Variants in DPP10 observed in about 807,000 individuals in gnomAD.
The protein encoded by DPP10 is dipeptidyl peptidase like 10, also known as inactive dipeptidyl peptidase 10.
DPP10 carries 33 observed loss-of-function variants against 120.9 expected under a neutral mutation model. The ratio of observed to expected loss-of-function variants is 0.27; its 90% CI spans 0.21 to 0.37. The LOEUF (loss-of-function observed/expected upper bound fraction) is 0.37. Ranked by LOEUF, DPP10 falls within the 10% of genes least tolerant of loss-of-function variation. DPP10 has a pLI of 1.00. For missense variants in DPP10, 816 were observed against 942.8 expected (o/e 0.87, Z 1.76); for synonymous variants, 337 against 326.1 (o/e 1.03, Z -0.36).
At chr2:114,918,526 C>A (rs1694967197) in intron 1 of DPP10, among the ~76,000 whole-genome samples, 2 of 152,114 alleles carry the variant, frequency 1.3e-5, no homozygotes, top group African/African-American at 2.4e-5. Flanking sequence ...TTCACAGTAG[C>A]AGGGACATGG....
chr2:115,738,902 G>A (rs772392533), intron 8 of DPP10, among the ~76,000 whole-genome samples: 22 of 152,102 alleles, frequency 1.4e-4, no homozygotes, highest in Non-Finnish European at 5.9e-5. Flanking sequence ...TTATTTACAA[G>A]GAGAACATTT....
At chr2:115,137,219 C>G (rs17044133) in intron 1 of DPP10, among the ~76,000 whole-genome samples, 19,606 of 152,074 alleles carry the variant, frequency 0.13, 1,643 homozygotes, top group East Asian at 0.29. Context: ...TTCTGATAGG[C>G]AGTGATAGAA....
intron 1 of DPP10, among the ~76,000 whole-genome samples, chr2:114,730,831 C>T (rs1377229492): frequency 1.3e-5 from 2 of 152,060 alleles, no homozygotes; most frequent in African/African-American, 4.8e-5. Flanking sequence ...CTCAGGCAAT[C>T]CAACTGCCTT....
chr2:115,108,127 A>G (rs2049039051), intron 1 of DPP10, among the ~76,000 whole-genome samples: 1 of 152,180 alleles, frequency 6.6e-6, no homozygotes, highest in Admixed American at 6.5e-5. Flanking sequence ...CTCCATAGAT[A>G]TTTACCCCTA....
At chr2:115,105,171 T>G (rs1040904668) in intron 1 of DPP10, among the ~76,000 whole-genome samples, 17 of 152,306 alleles carry the variant, frequency 1.1e-4, no homozygotes, top group African/African-American at 3.6e-4. Flanking sequence ...TCTCTATTGA[T>G]TATTCTTCCT....
At chr2:115,031,556 T>TA (rs1703842617) in intron 1 of DPP10, among the ~76,000 whole-genome samples, 1 of 152,158 alleles carries the variant, frequency 6.6e-6, no homozygotes, top group Non-Finnish European at 1.5e-5. Context: ...GATTGAATAT[T>TA]AAAAAATAAA....
chr2:115,417,364 G>A (rs576610746), intron 3 of DPP10, among the ~76,000 whole-genome samples: 4 of 152,094 alleles, frequency 2.6e-5, no homozygotes, highest in Non-Finnish European at 5.9e-5. Flanking sequence ...TTACTGGAGG[G>A]ATGAGGAAAA....
chr2:115,799,513 C>T (rs1052997417), intron 19 of DPP10, among the ~76,000 whole-genome samples: 3 of 151,464 alleles, frequency 2.0e-5, no homozygotes, highest in African/African-American at 7.3e-5. Context: ...ATACATGTGC[C>T]ATGTTGGTGT....
chr2:115,679,915 C>A (rs1338314941), intron 5 of DPP10, among the ~76,000 whole-genome samples: 5 of 151,768 alleles, frequency 3.3e-5, no homozygotes, highest in African/African-American at 1.2e-4. Flanking sequence ...AGAAGGAGTC[C>A]TAGAATTCTA....
At chr2:115,267,998 C>A (rs1470065146) in intron 1 of DPP10, among the ~76,000 whole-genome samples, 1 of 152,174 alleles carries the variant, frequency 6.6e-6, no homozygotes, top group African/African-American at 2.4e-5. Flanking sequence ...TAGATAGTTA[C>A]ACTGAATATT....
chr2:115,657,114 T>TA (rs2088433201), intron 5 of DPP10, among the ~76,000 whole-genome samples: 1 of 151,660 alleles, frequency 6.6e-6, no homozygotes, highest in Non-Finnish European at 1.5e-5. Flanking sequence ...CCATTGGCAT[T>TA]AAATAATAAT....
intron 1 of DPP10, among the ~76,000 whole-genome samples, chr2:114,525,795 A>G (rs1685450002): frequency 6.6e-6 from 1 of 152,184 alleles, no homozygotes; most frequent in South Asian, 2.1e-4. Flanking sequence ...AAGTATCTTT[A>G]TTTAGCAAAT....
chr2:115,373,275 C>T (rs186353783), intron 3 of DPP10, among the ~76,000 whole-genome samples: 2 of 152,282 alleles, frequency 1.3e-5, no homozygotes, highest in Admixed American at 6.5e-5. Flanking sequence ...TCTTACTATG[C>T]ATCTTCCTTC....
At chr2:115,770,753 A>G (rs1681363120) in intron 13 of DPP10, among the ~76,000 whole-genome samples, 1 of 152,164 alleles carries the variant, frequency 6.6e-6, no homozygotes, top group Non-Finnish European at 1.5e-5. Context: ...AAAATTCTGA[A>G]AAATTCAAAC....
intron 9 of DPP10, 24 bp from the exon 10 acceptor site, chr2:115,746,062 A>C (rs768154465): frequency 2.0e-6 from 3 of 1,521,320 alleles, no homozygotes; most frequent in Non-Finnish European, 2.7e-6. Context: ...ATGTACTTGC[A>C]ATACAACTTT....
intron 4 of DPP10, among the ~76,000 whole-genome samples, chr2:115,521,311 T>G (rs762879466): frequency 1.8e-4 from 27 of 152,182 alleles, no homozygotes; most frequent in Non-Finnish European, 3.1e-4. Flanking sequence ...GAACATAAAC[T>G]TTCATCTATT....
chr2:115,038,240 ATATTTATTTATTTATTATTT>A (rs1056929654), intron 1 of DPP10, among the ~76,000 whole-genome samples: 12 of 151,310 alleles, frequency 7.9e-5, no homozygotes, highest in African/African-American at 2.4e-4. Context: ...TACTCAGCAA[ATATTTATTTATTTATTATTT>A]TATTTATTTA....
chr2:115,252,318 G>A (rs139301015), intron 1 of DPP10, among the ~76,000 whole-genome samples: 84 of 152,152 alleles, frequency 5.5e-4, no homozygotes, highest in African/African-American at 1.8e-3. Context: ...CCTTGCTGTG[G>A]GAGCCACTGT....
intron 4 of DPP10, among the ~76,000 whole-genome samples, chr2:115,516,384 GT>G (rs2077503679): frequency 6.6e-6 from 1 of 151,818 alleles, no homozygotes; most frequent in Admixed American, 6.6e-5. Flanking sequence ...CTTTATTTTT[GT>G]TATTTGCTTT....
Sources: gnomAD v4.1 joint callset for allele counts (sites outside exome capture counted in the v4.1 genomes callset) on GRCh38, gnomAD v4.1.1 for gene constraint, MANE v1.5 for transcripts, NCBI Gene and HGNC (gene_info 2026-07-23, HGNC 2026-07-21) for gene names.